The following KIF11 variants were observed in gnomAD, a reference collection of about 807,000 sequenced individuals.
KIF11 encodes the protein kinesin family member 11.
In KIF11, 9 loss-of-function variants were observed where a neutral mutation model predicts 121.0. That is an observed-to-expected ratio of 0.07 (90% CI 0.04 to 0.13). KIF11 has a LOEUF of 0.13. Ranked by LOEUF, KIF11 falls within the 10% of genes least tolerant of loss-of-function variation. KIF11 has a pLI of 1.00. For synonymous variants in KIF11, 408 were observed against 421.0 expected (o/e 0.97, Z 0.38); for missense variants, 846 against 1,217.5 (o/e 0.69, Z 4.54).
chr10:92,636,342 C>G (rs1013371446), intron 14 of KIF11, among the ~76,000 whole-genome samples: 7 of 152,146 alleles, frequency 4.6e-5, no homozygotes, highest in South Asian at 2.1e-4. Flanking sequence ...TTAAATAGTT[C>G]TGGCTGGGTG....
rs575840314 is a variant in KIF11, at chr10:92,594,847, T to G, written c.77+1395T>G. On this transcript the variant is annotated intron_variant, in intron 1 of 21. Transcript: ENST00000260731. ...ATAGTTCTTTGCTTGTGTCTAATAT[T>G]TACAATAATTTTTGTGTAAAGAGAT... Among the ~76,000 whole-genome samples the G allele has an allele frequency of 2.0e-5, 3 of 151,576 alleles. No homozygotes were observed. In the East Asian group the frequency reaches 5.8e-4, roughly 29 times the overall value.
At chr10:92,616,392 A>C (rs1844557884) in intron 8 of KIF11, among the ~76,000 whole-genome samples, 1 of 150,804 alleles carries the variant, frequency 6.6e-6, no homozygotes, top group African/African-American at 2.4e-5. Context: ...TAGAAACAGG[A>C]TCTCCCTATG....
intron 10 of KIF11, among the ~76,000 whole-genome samples, 180 bp downstream of exon 10, chr10:92,621,653 G>T (rs1844618967): frequency 6.7e-6 from 1 of 149,490 alleles, no homozygotes; most frequent in Non-Finnish European, 1.5e-5. Flanking sequence ...CCAGACTGGA[G>T]CACAGTGGCA....
At chr10:92,611,448 G>A (rs1051985800) in intron 6 of KIF11, among the ~76,000 whole-genome samples, 9 of 151,834 alleles carry the variant, frequency 5.9e-5, no homozygotes, top group African/African-American at 1.7e-4. Context: ...TCCTGACCTC[G>A]TGATCCGTCC....
intron 1 of KIF11, among the ~76,000 whole-genome samples, chr10:92,601,504 C>T (rs973375364): frequency 2.6e-5 from 4 of 152,110 alleles, no homozygotes; most frequent in Non-Finnish European, 4.4e-5. Flanking sequence ...CCACCATGCC[C>T]GGCCCTTGTT....
intron 9 of KIF11, among the ~76,000 whole-genome samples, chr10:92,618,276 ATGT>A (rs1360777854): frequency 4.1e-5 from 3 of 73,290 alleles, no homozygotes; most frequent in South Asian, 5.3e-4. Flanking sequence ...CCTTTCCTTG[ATGT>A]TTTTTTTTTT....
chr10:92,607,373 A>C (rs1425340669), intron 4 of KIF11, 136 bp downstream of exon 4: 1 of 577,150 alleles, frequency 1.7e-6, no homozygotes, highest in African/African-American at 1.9e-5. Flanking sequence ...AACCACTACT[A>C]CAGTAAAATT....
chr10:92,639,003 A>C (rs928687075), intron 16 of KIF11, among the ~76,000 whole-genome samples: 20 of 152,290 alleles, frequency 1.3e-4, no homozygotes, highest in African/African-American at 4.8e-4. Flanking sequence ...CAAAGATGTA[A>C]AATATGAGCA....
rs919640765 is a variant in KIF11, at chr10:92,621,396, G to A, written c.1140G>A (p.Glu380=). 6.2e-7 allele frequency: 1 copy of A among 1,609,658 alleles called. No individual in the cohort carries two copies. Among genetic ancestry groups the A allele is most frequent in the Non-Finnish European group, 8.5e-7 (1 of 1,176,226 alleles). Reference sequence around the variant, plus strand: ...TTCCTCTTGTGTAGGAGTATACGGAGGAGATAGAACGTTTAAAACGAGATC... The same window carrying A: ...TTCCTCTTGTGTAGGAGTATACGGAAGAGATAGAACGTTTAAAACGAGATC... ...TKKALIKEYT[E]EIERLKRDLA... The change falls in exon 10 of 22, where the codon GAG becomes GAA. Residue 380 remains glutamate (E), a synonymous_variant. Coordinates refer to ENST00000260731, the MANE Select transcript of KIF11 (RefSeq NM_004523.4).
intron 17 of KIF11, among the ~76,000 whole-genome samples, chr10:92,644,010 C>T (rs1177751391): frequency 1.3e-5 from 2 of 152,056 alleles, no homozygotes; most frequent in Non-Finnish European, 2.9e-5. Flanking sequence ...CTTTTTATTC[C>T]TAGTATCTAG....
chr10:92,612,590 G>A (rs955618312), intron 6 of KIF11, among the ~76,000 whole-genome samples: 5 of 152,222 alleles, frequency 3.3e-5, no homozygotes, highest in Non-Finnish European at 7.3e-5. Context: ...AAGCAGAGAA[G>A]TGTACTTGTG....
intron 6 of KIF11, among the ~76,000 whole-genome samples, chr10:92,610,650 T>C (rs750139782): frequency 2.1e-4 from 32 of 152,176 alleles, no homozygotes; most frequent in Non-Finnish European, 4.1e-4. Flanking sequence ...TATGTGACTT[T>C]TTGTAAATAA....
Position 92,609,291 on chromosome 10 carries a change from AGAGAGAGAGAGAGTGTGTGTGTGTGT to A in KIF11, c.573+88_574-67del, listed in dbSNP as rs1157847572. 2.2e-5 allele frequency: 29 copies of A among 1,303,288 alleles called. No individual in the cohort carries two copies. The African/African-American group carries it at 3.3e-4, about 15-fold the overall frequency. The allele number at this position is 1,303,288 out of a possible 1,614,324, so 80.7% of individuals were successfully genotyped here. ...CAGAGAGAGAGAGAGAGAGAGAGAGAGAGAGAGAGAGAGTGTGTGTGTGTGTGTGTGTGTGTGTGTGTGTGTGTGTG... is the reference window on the plus strand; with the variant it reads ...CAGAGAGAGAGAGAGAGAGAGAGAGAGTGTGTGTGTGTGTGTGTGTGTGTG... On this transcript the variant is annotated intron_variant, in intron 5 of 21. Coordinates refer to ENST00000260731, the MANE Select transcript of KIF11 (RefSeq NM_004523.4).
At chr10:92,653,469 T>G (rs1845009994) in intron 21 of KIF11, among the ~76,000 whole-genome samples, 196 bp from the exon 22 acceptor site, 2 of 152,230 alleles carry the variant, frequency 1.3e-5, no homozygotes, top group Admixed American at 1.3e-4. Flanking sequence ...CTCTACTCCT[T>G]CCATTAGTGA....
chr10:92,641,204 T>C (rs1844863003), intron 17 of KIF11, among the ~76,000 whole-genome samples: 1 of 152,216 alleles, frequency 6.6e-6, no homozygotes, highest in Non-Finnish European at 1.5e-5. Context: ...TTATAAAACA[T>C]AGGAGATTTG....
At chr10:92,625,784 A>G (rs1844669834) in intron 10 of KIF11, among the ~76,000 whole-genome samples, 1 of 152,206 alleles carries the variant, frequency 6.6e-6, no homozygotes, top group Non-Finnish European at 1.5e-5. Context: ...TATACCAATA[A>G]TGTCCAAGCT....
rs182197165 is a variant in KIF11 at position 92,610,279 on chromosome 10, G to A, written c.698+770G>A. Among the ~76,000 whole-genome samples, 690 of 152,292 alleles carry A rather than the reference G, an allele frequency of 4.5e-3. 3 individuals carry two copies. Among genetic ancestry groups the A allele is most frequent in the Middle Eastern group, 6.8e-3 (2 of 294 alleles). ...GGTCTTTTAAAATGGCTTTATTTTA[G>A]TGTGGGAGACAGATGGTCACTAACA... On this transcript the variant is annotated intron_variant, in intron 6 of 21. Coordinates refer to ENST00000260731, the MANE Select transcript of KIF11 (RefSeq NM_004523.4).
chr10:92,595,644 T>C (rs1001082144), intron 1 of KIF11, among the ~76,000 whole-genome samples: 9 of 152,192 alleles, frequency 5.9e-5, no homozygotes, highest in African/African-American at 2.2e-4. Flanking sequence ...AAATACATAA[T>C]ATTCTGCAAC....
At chr10:92,652,311 T>C (rs1311493724) in intron 21 of KIF11, among the ~76,000 whole-genome samples, 1 of 152,098 alleles carries the variant, frequency 6.6e-6, no homozygotes, top group Non-Finnish European at 1.5e-5. Flanking sequence ...TGGCTAATAT[T>C]GTATTTTTAG....
Sources: allele counts gnomAD v4.1 joint callset (sites outside exome capture counted in the v4.1 genomes callset), GRCh38; gene constraint gnomAD v4.1.1; transcripts MANE v1.5; gene names NCBI Gene and HGNC (gene_info 2026-07-23, HGNC 2026-07-21).